ATRNL1: variants seen among roughly 807,000 people sequenced by gnomAD.
The protein encoded by ATRNL1 is attractin-like protein 1.
ATRNL1 carries 95 observed loss-of-function variants against 182.7 expected under a neutral mutation model. The ratio of observed to expected loss-of-function variants is 0.52; its 90% confidence interval spans 0.44 to 0.62. ATRNL1 has a LOEUF of 0.62. ATRNL1 is among the 20% of genes least tolerant of loss of function. The pLI, the probability that ATRNL1 is intolerant of heterozygous loss-of-function variation, is 0.00. For missense variants in ATRNL1, 1,471 were observed against 1,679.5 expected, an observed-to-expected ratio of 0.88 and a Z score of 2.17; for synonymous variants, 576 against 568.3, an observed-to-expected ratio of 1.01 and a Z score of -0.19.
chr10:115,659,187 C>T (rs1429458216), intron 26 of ATRNL1, among the ~76,000 whole-genome samples: 4 of 152,100 alleles, frequency 2.6e-5, no homozygotes, highest in Admixed American at 2.6e-4. Flanking sequence ...ATAACCTTCC[C>T]TCCTTTTCTC....
chr10:115,186,977 A>G (rs1431945128), intron 8 of ATRNL1, among the ~76,000 whole-genome samples: 1 of 152,136 alleles, frequency 6.6e-6, no homozygotes, highest in Admixed American at 6.6e-5. Context: ...TTTATAAAGC[A>G]AAACATAAAA....
At chr10:115,396,223 C>T (rs111343653) in intron 20 of ATRNL1, among the ~76,000 whole-genome samples, 157 of 152,006 alleles carry the variant, frequency 1.0e-3, no homozygotes, top group African/African-American at 3.1e-3. Flanking sequence ...TACAAGTTCA[C>T]AGCAAAAGAT....
intron 26 of ATRNL1, among the ~76,000 whole-genome samples, chr10:115,637,316 C>T (rs908149374): frequency 1.7e-4 from 26 of 151,964 alleles, no homozygotes; most frequent in South Asian, 4.2e-4. Flanking sequence ...GAAGACATTC[C>T]GGTGTAATAA....
intron 26 of ATRNL1, among the ~76,000 whole-genome samples, chr10:115,668,849 T>A (rs979723679): frequency 2.0e-5 from 3 of 152,126 alleles, no homozygotes; most frequent in Admixed American, 2.0e-4. Flanking sequence ...GTTTTAACAA[T>A]TGAAATTTAA....
intron 19 of ATRNL1, among the ~76,000 whole-genome samples, chr10:115,357,947 T>A (rs1284518486): frequency 1.3e-5 from 2 of 151,634 alleles, no homozygotes; most frequent in Non-Finnish European, 3.0e-5. Flanking sequence ...TAGGCTCAAT[T>A]TCAAAAGCAT....
intron 27 of ATRNL1, among the ~76,000 whole-genome samples, chr10:115,787,164 A>G (rs1044123896): frequency 6.6e-6 from 1 of 152,220 alleles, no homozygotes; most frequent in African/African-American, 2.4e-5. Flanking sequence ...GTCAATGTGT[A>G]AGCTGCTAGT....
intron 28 of ATRNL1, among the ~76,000 whole-genome samples, chr10:115,934,222 T>A (rs144875469): frequency 6.6e-6 from 1 of 152,122 alleles, no homozygotes; most frequent in African/African-American, 2.4e-5. Context: ...CTGCCACCAA[T>A]CAGGAACACT....
chr10:115,756,156 T>C (rs1177467160), intron 27 of ATRNL1, among the ~76,000 whole-genome samples: 2 of 152,160 alleles, frequency 1.3e-5, no homozygotes, highest in African/African-American at 4.8e-5. Flanking sequence ...GTTTTTCCTG[T>C]CTCTATCTCC....
At chr10:115,536,480 G>A (rs190292580) in intron 25 of ATRNL1, among the ~76,000 whole-genome samples, 1 of 152,200 alleles carries the variant, frequency 6.6e-6, no homozygotes, top group Non-Finnish European at 1.5e-5. Flanking sequence ...CAGTATTGGG[G>A]TGGGCTTGAC....
At chr10:115,286,134 A>T in intron 14 of ATRNL1, 82 bp from the exon 15 acceptor site, 1 of 661,488 alleles carries the variant, frequency 1.5e-6, no homozygotes, top group Non-Finnish European at 2.6e-6. Flanking sequence ...ATTTAAACAA[A>T]TACAGAAGTA....
chr10:115,305,695 T>C (rs1347461386), intron 17 of ATRNL1, among the ~76,000 whole-genome samples: 1 of 152,190 alleles, frequency 6.6e-6, no homozygotes, highest in Non-Finnish European at 1.5e-5. Flanking sequence ...TACATACTGT[T>C]TGACTACATT....
In ATRNL1 at chr10:115,728,111, T is replaced by TA. The variant is rs782146867; in HGVS notation, c.3903+772dup. 6.7e-3 allele frequency among the ~76,000 whole-genome samples: 297 copies of TA among 44,164 alleles called. 2 individuals carry two copies. The highest frequency in any genetic ancestry group is 0.011 in the Admixed American group (38 of 3,396). 29.0% of individuals were successfully genotyped at this position (44,164 alleles called of 152,430 possible). A position where few individuals can be genotyped will look rare whatever the true frequency, so the allele number is the denominator to read the frequency against. ...TAACATGGTGAAACCCCGTCTCTAC[T>TA]AAAAAAAAAAAAAAAAGAAAAAAAA... On this transcript the variant is annotated intron_variant, in intron 27 of 28. Transcript: ENST00000355044.
chr10:115,891,827 A>G (rs1952086921), intron 28 of ATRNL1, among the ~76,000 whole-genome samples: 1 of 152,186 alleles, frequency 6.6e-6, no homozygotes, highest in African/African-American at 2.4e-5. Flanking sequence ...TCTTTCCTTA[A>G]TAAGACTGAT....
chr10:115,772,990 G>C (rs1949033277), intron 27 of ATRNL1, among the ~76,000 whole-genome samples: 1 of 152,110 alleles, frequency 6.6e-6, no homozygotes, highest in East Asian at 1.9e-4. Flanking sequence ...GGTTTCAATT[G>C]ATATTTGATT....
intron 15 of ATRNL1, among the ~76,000 whole-genome samples, chr10:115,298,792 T>C (rs574593253): frequency 2.6e-5 from 4 of 152,084 alleles, no homozygotes; most frequent in Non-Finnish European, 4.4e-5. Context: ...TTTAGCAAAA[T>C]TTACTGATTA....
chr10:115,350,642 AG>A (rs1856204967), intron 19 of ATRNL1, among the ~76,000 whole-genome samples: 1 of 152,052 alleles, frequency 6.6e-6, no homozygotes, highest in South Asian at 2.1e-4. Context: ...TCTTTATGCC[AG>A]TATCATGCTG....
chr10:115,809,003 AT>A, intron 27 of ATRNL1, among the ~76,000 whole-genome samples: 1 of 151,842 alleles, frequency 6.6e-6, no homozygotes, highest in African/African-American at 2.4e-5. Context: ...ATTTTGGCAC[AT>A]GTTTTGTTTG....
rs140596120 is a variant in ATRNL1, at chr10:115,777,286, G to T, written c.3903+49931G>T. Among the ~76,000 whole-genome samples the T allele has an allele frequency of 4.8e-3, 731 of 152,094 alleles. 1 individual carries two copies. The highest frequency in any genetic ancestry group is 7.5e-3 in the Non-Finnish European group (509 of 67,970). On this transcript the variant is annotated intron_variant, in intron 27 of 28. Coordinates refer to ENST00000355044, the MANE Select transcript of ATRNL1 (RefSeq NM_207303.4). The stretch of plus-strand genomic sequence containing the variant: ...CAAAAAGTACAAGGATTTTAAAATT[G>T]TTACTAGTTTTATATTTACTAGTAA...
chr10:115,361,807 T>G (rs1856762015), intron 19 of ATRNL1, among the ~76,000 whole-genome samples: 1 of 152,084 alleles, frequency 6.6e-6, no homozygotes, highest in African/African-American at 2.4e-5. Context: ...AATTTATAAC[T>G]TAAATTTTTG....
Sources: allele counts gnomAD v4.1 joint callset (sites outside exome capture counted in the v4.1 genomes callset), GRCh38; gene constraint gnomAD v4.1.1; transcripts MANE v1.5; gene names NCBI Gene and HGNC (gene_info 2026-07-23, HGNC 2026-07-21).